Variants in PITHD1 observed in about 807,000 individuals in gnomAD.
The protein encoded by PITHD1 is PITH domain-containing protein 1.
Under a neutral mutation model 27.5 loss-of-function variants are expected in PITHD1, and 8 were observed. The ratio of observed to expected loss-of-function variants is 0.29; its 90% CI spans 0.17 to 0.52. The LOEUF (loss-of-function observed/expected upper bound fraction) is 0.52, where lower values mean the gene tolerates loss of function less well. PITHD1 is among the 20% of genes least tolerant of loss of function. PITHD1 has a pLI of 0.96. For missense variants in PITHD1, 233 were observed against 283.9 expected (o/e 0.82, Z 1.29); for synonymous variants, 118 against 106.8 (o/e 1.10, Z -0.64).
At position 23,787,510 on chromosome 1, in the gene PITHD1, C is replaced by T. The variant is rs1056038562; in HGVS notation, c.*134C>T. On this transcript the variant is annotated 3_prime_UTR_variant, in exon 6 of 6. Transcript: ENST00000246151. Reference sequence around the variant, plus strand: ...TGCCAAGCTTTGTCTTTGGGGCTTGCTGCAGAAACCTGGCCTACGGAAGAT... The same window carrying T: ...TGCCAAGCTTTGTCTTTGGGGCTTGTTGCAGAAACCTGGCCTACGGAAGAT... The T allele has an allele frequency of 7.0e-6, 4 of 570,668 alleles. No individual in the cohort carries two copies. Among genetic ancestry groups the T allele is most frequent in the Non-Finnish European group, 1.3e-5 (4 of 315,056 alleles). The allele number at this position is 570,668 out of a possible 1,614,324, so 35.4% of individuals were successfully genotyped here. A position where few individuals can be genotyped will look rare whatever the true frequency, so the allele number is the denominator to read the frequency against.
chr1:23,784,072 G>C (rs775158341), intron 3 of PITHD1, among the ~76,000 whole-genome samples: 38 of 152,102 alleles, frequency 2.5e-4, no homozygotes, highest in Non-Finnish European at 4.6e-4. Flanking sequence ...AATTTACTCA[G>C]CTGGTAAGTG....
At chr1:23,784,402 G>A (rs1472482753) in intron 3 of PITHD1, among the ~76,000 whole-genome samples, 6 of 151,876 alleles carry the variant, frequency 4.0e-5, no homozygotes, top group East Asian at 1.9e-4. Context: ...CACCACGCCC[G>A]GCTAATTTTT....
Position 23,781,204 on chromosome 1 carries a change from T to G in PITHD1, c.320+1263T>G, listed in dbSNP as rs570742648. ...CTCCATCTCAAAAGAAAAAAATAAT[T>G]CAAATCCCAGCACTTTGGGAGGCCG... On this transcript the variant is annotated intron_variant, in intron 3 of 5. Coordinates refer to ENST00000246151, the MANE Select transcript of PITHD1 (RefSeq NM_020362.5). Among the ~76,000 whole-genome samples the G allele has an allele frequency of 2.6e-5, 4 of 151,892 alleles. 1 individual carries two copies. Among genetic ancestry groups the G allele is most frequent in the African/African-American group, 9.7e-5 (4 of 41,422 alleles).
Position 23,778,541 on chromosome 1 carries a change from G to C in PITHD1, c.26G>C (p.Gly9Ala). The change falls in exon 1 of 6, where the codon GGG becomes GCG. Residue 9 changes from glycine to alanine, a missense_variant. Physicochemically the swap from Gly to Ala is moderately conservative, Grantham distance 60. Transcript: ENST00000246151. MSHGHSHG[G>A]GGCRCAAERE... Reference sequence around the variant, plus strand: ...ATGTCGCACGGTCACAGCCACGGCGGGGGTGGCTGCCGCTGCGCCGCCGAA... The same window carrying C: ...ATGTCGCACGGTCACAGCCACGGCGCGGGTGGCTGCCGCTGCGCCGCCGAA... 2 of 1,342,912 alleles carry C rather than the reference G, an allele frequency of 1.5e-6. No homozygotes were observed. Among genetic ancestry groups the C allele is most frequent in the South Asian group, 3.8e-5 (2 of 52,996 alleles). 83.2% of individuals were successfully genotyped at this position (1,342,912 alleles called of 1,614,324 possible).
At chr1:23,779,229 TTTG>T (rs1195971829) in intron 1 of PITHD1, 1 of 522,974 alleles carries the variant, frequency 1.9e-6, no homozygotes, top group Non-Finnish European at 3.4e-6. Flanking sequence ...TCATGGGCTT[TTTG>T]TTAAGAACCT....
Position 23,787,476 on chromosome 1 carries a change from C to T in PITHD1, c.*100C>T. The stretch of plus-strand genomic sequence containing the variant: ...TGAGGCTCCAGAGAGAGTTGGCTGC[C>T]ACAGCCTCTGCCAAGCTTTGTCTTT... On this transcript the variant is annotated 3_prime_UTR_variant, in exon 6 of 6. Transcript: ENST00000246151. 2.9e-6 allele frequency: 2 copies of T among 696,018 alleles called. No individual in the cohort carries two copies. The highest frequency in any genetic ancestry group is 3.5e-5 in the South Asian group (2 of 57,334). 43.1% of individuals were successfully genotyped at this position (696,018 alleles called of 1,614,324 possible).
At chr1:23,786,560 A>G in intron 5 of PITHD1, 137 bp downstream of exon 5, 1 of 334,992 alleles carries the variant, frequency 3.0e-6, no homozygotes, top group Non-Finnish European at 5.7e-6. Context: ...TTATCAGTAT[A>G]AACTTTTCGT....
chr1:23,786,323 G>A lies in PITHD1; in HGVS notation c.434G>A (p.Arg145His), dbSNP rs757948298. The A allele has an allele frequency of 7.2e-6, 11 of 1,536,542 alleles. No homozygotes were observed. Among genetic ancestry groups the A allele is most frequent in the Admixed American group, 3.4e-5 (2 of 59,438 alleles). ...TTCCTGTCATCCTCTAGAATTTCTC[G>A]TTTTTCAAATGTCTATCATCTCTCA... is the stretch of plus-strand genomic sequence containing the variant. Reference protein sequence around the residue: ...GELEYATKISRFSNVYHLSIH... With the variant: ...GELEYATKISHFSNVYHLSIH... Residue 145 changes from arginine to histidine, a missense_variant, in exon 5 of 6, where the codon CGT becomes CAT. Physicochemically the swap from Arg to His is conservative, Grantham distance 29 (BLOSUM62 0). Coordinates refer to ENST00000246151, the MANE Select transcript of PITHD1 (RefSeq NM_020362.5).
intron 5 of PITHD1, among the ~76,000 whole-genome samples, chr1:23,787,029 T>C (rs951645859): frequency 3.3e-5 from 5 of 152,162 alleles, no homozygotes; most frequent in Non-Finnish European, 7.3e-5. Context: ...GTACCCCCAT[T>C]ATAGTAGGGA....
chr1:23,786,144 T>G (rs1274147518), intron 4 of PITHD1, among the ~76,000 whole-genome samples, 171 bp from the exon 5 acceptor site: 2 of 152,166 alleles, frequency 1.3e-5, no homozygotes. Flanking sequence ...TGGCAGGTGC[T>G]CAGTAAATGG....
chr1:23,779,757 G>T, intron 2 of PITHD1, 107 bp from the exon 3 acceptor site: 2 of 811,076 alleles, frequency 2.5e-6, no homozygotes, highest in East Asian at 2.4e-5. Flanking sequence ...CAAGTTGACA[G>T]ATGAGTAAAC....
At chr1:23,782,455 C>T (rs1300641912) in intron 3 of PITHD1, among the ~76,000 whole-genome samples, 1 of 151,246 alleles carries the variant, frequency 6.6e-6, no homozygotes, top group African/African-American at 2.4e-5. Context: ...CTGGGCTGGG[C>T]ACAGTGGCTC....
rs150166857 is a variant in PITHD1, at chr1:23,785,732, C to T, written c.378C>T (p.Thr126=). 1.2e-6 allele frequency: 2 copies of T among 1,609,456 alleles called. No individual in the cohort carries two copies. The highest frequency in any genetic ancestry group is 2.7e-5 in the African/African-American group (2 of 74,810). The change falls in exon 4 of 6, where the codon ACC becomes ACT. Residue 126 remains threonine (T), a synonymous_variant. Transcript: ENST00000246151. ...FDDTEREPDQ[T]FSLNRDLTGE... ...ATACAGAAAGGGAGCCAGATCAGAC[C>T]TTTAGTCTGAACCGGGATCTTACAG...
chr1:23,782,400 C>T (rs1218645595), intron 3 of PITHD1, among the ~76,000 whole-genome samples: 7 of 149,998 alleles, frequency 4.7e-5, no homozygotes, highest in African/African-American at 1.7e-4. Flanking sequence ...ACATGTGTGA[C>T]AGTGCAAGAC....
At chr1:23,783,967 C>T (rs1387121515) in intron 3 of PITHD1, among the ~76,000 whole-genome samples, 1 of 152,188 alleles carries the variant, frequency 6.6e-6, no homozygotes, top group African/African-American at 2.4e-5. Context: ...TACTTAGAAT[C>T]GATTCAATTT....
intron 3 of PITHD1, among the ~76,000 whole-genome samples, chr1:23,784,761 G>A (rs566615729): frequency 6.6e-6 from 1 of 152,278 alleles, no homozygotes; most frequent in South Asian, 2.1e-4. Flanking sequence ...CTGTCACCCA[G>A]GCTGGAGTAC....
rs763538236 is a variant in PITHD1 at position 23,778,647 on chromosome 1, C to G, written c.132C>G (p.Asn44Lys). 7.5e-7 allele frequency: 1 copy of G among 1,328,750 alleles called. No homozygotes were observed. The highest frequency in any genetic ancestry group is 1.5e-5 in the African/African-American group (1 of 65,712). The allele number at this position is 1,328,750 out of a possible 1,614,324, so 82.3% of individuals were successfully genotyped here. ...ACCTGGAGCGGCTGCAATGCCTTAA[C>G]GAGAGCCGCGAGGGCAGCGGCCGCG... is the stretch of plus-strand genomic sequence containing the variant. ...RIDLERLQCL[N>K]ESREGSGRGV... The change falls in exon 1 of 6, where the codon AAC (asparagine) becomes AAG (lysine). Residue 44 changes from asparagine (N) to lysine (K), a missense_variant. Asn to Lys is a moderately conservative substitution (Grantham distance 94, BLOSUM62 0). Transcript: ENST00000246151.
At chr1:23,781,259 TC>T (rs1638598106) in intron 3 of PITHD1, among the ~76,000 whole-genome samples, 1 of 152,038 alleles carries the variant, frequency 6.6e-6, no homozygotes, top group Non-Finnish European at 1.5e-5. Flanking sequence ...GGCCAGGAGT[TC>T]AAGATCATCC....
chr1:23,783,075 C>A (rs954222642), intron 3 of PITHD1, among the ~76,000 whole-genome samples: 3 of 151,908 alleles, frequency 2.0e-5, no homozygotes, highest in Admixed American at 1.3e-4. Flanking sequence ...CGGCTCACTG[C>A]AAGCTCCGCC....
Sources: allele counts gnomAD v4.1 joint callset (sites outside exome capture counted in the v4.1 genomes callset), GRCh38; gene constraint gnomAD v4.1.1; transcripts MANE v1.5; gene names NCBI Gene and HGNC (gene_info 2026-07-23, HGNC 2026-07-21).